NBAS: variants seen among roughly 807,000 people sequenced by gnomAD.
The protein encoded by NBAS is NBAS subunit of NRZ tethering complex.
Under a neutral mutation model 302.5 loss-of-function variants are expected in NBAS, and 219 were observed. That is an observed-to-expected ratio of 0.72 (90% CI 0.65 to 0.81). The LOEUF (loss-of-function observed/expected upper bound fraction) is 0.81. NBAS is among the 30% of genes least tolerant of loss of function. The probability of loss-of-function intolerance (pLI) is 0.00; values close to 1 mark genes in which losing one functional copy is unlikely to be tolerated. For synonymous variants in NBAS, 1,118 were observed against 1,021.6 expected (o/e 1.09, Z -1.80); for missense variants, 2,932 against 2,841.6 (o/e 1.03, Z -0.72).
At chr2:15,246,268 T>A (rs1668091175) in intron 44 of NBAS, among the ~76,000 whole-genome samples, 1 of 152,262 alleles carries the variant, frequency 6.6e-6, no homozygotes, top group African/African-American at 2.4e-5. Context: ...GGTTCACTCC[T>A]CTGAGGAGCC....
intron 14 of NBAS, among the ~76,000 whole-genome samples, chr2:15,474,747 G>A (rs1680115955): frequency 6.6e-6 from 1 of 152,114 alleles, no homozygotes; most frequent in Non-Finnish European, 1.5e-5. Context: ...TTTTACTAGA[G>A]ATAGGGTTTC....
chr2:15,261,019 G>A (rs1297962657), intron 44 of NBAS, among the ~76,000 whole-genome samples: 1 of 152,206 alleles, frequency 6.6e-6, no homozygotes, highest in Admixed American at 6.5e-5. Context: ...ATAACTCAGA[G>A]TTTTTAAAGC....
chr2:14,840,118 A>G, the NBAS span, among the ~76,000 whole-genome samples: 1 of 152,034 alleles, frequency 6.6e-6, no homozygotes, highest in South Asian at 2.1e-4. Context: ...GAAATCTTGG[A>G]ACTAAGAAAT....
chr2:15,018,248 TA>T, the NBAS span, among the ~76,000 whole-genome samples: 36 of 151,962 alleles, frequency 2.4e-4, no homozygotes, highest in African/African-American at 8.2e-4. Context: ...TGAGTATAGT[TA>T]ATAACAATAT....
intron 23 of NBAS, among the ~76,000 whole-genome samples, chr2:15,422,496 G>A (rs557244127): frequency 1.6e-3 from 248 of 151,652 alleles, no homozygotes; most frequent in African/African-American, 5.7e-3. Flanking sequence ...CTGCAAACCT[G>A]AAATTCCTCT....
At chr2:15,125,545 A>C in the NBAS span, among the ~76,000 whole-genome samples, 2 of 152,180 alleles carry the variant, frequency 1.3e-5, no homozygotes, top group African/African-American at 4.8e-5. Flanking sequence ...ACAACTGAAC[A>C]TGAGATTTGG....
the NBAS span, among the ~76,000 whole-genome samples, chr2:14,807,835 A>G: frequency 6.6e-6 from 1 of 152,208 alleles, no homozygotes; most frequent in Non-Finnish European, 1.5e-5. Context: ...GAAGATAATT[A>G]AATGAGATAA....
chr2:15,103,057 A>AAGGGAGGGAGGGAGGGAGGGG, the NBAS span, among the ~76,000 whole-genome samples: 2 of 148,578 alleles, frequency 1.3e-5, no homozygotes, highest in African/African-American at 5.0e-5. Flanking sequence ...GGAGGGAGGG[A>AAGGGAGGGAGGGAGGGAGGGG]AGGAAGGGAG....
chr2:15,179,414 A>T lies in NBAS; in HGVS notation c.6712-298T>A. 5.8e-6 allele frequency: 2 copies of T among 345,946 alleles called. 1 individual carries two copies. Among genetic ancestry groups the T allele is most frequent in the South Asian group, 6.7e-5 (2 of 29,926 alleles). The allele number at this position is 345,946 out of a possible 1,614,324, so 21.4% of individuals were successfully genotyped here. ...GTATAATTTATTTTCCTAAACTCTC[A>T]CAGCCCTAATTTCCTCATAAGTAAA... On this transcript the variant is annotated intron_variant, in intron 50 of 51. Coordinates refer to ENST00000281513, the MANE Select transcript of NBAS (RefSeq NM_015909.4).
the NBAS span, among the ~76,000 whole-genome samples, chr2:15,010,549 T>C: frequency 7.9e-5 from 12 of 152,256 alleles, no homozygotes; most frequent in Admixed American, 2.6e-4. Flanking sequence ...CAAGTTCAAG[T>C]AGTTAGTCAC....
intron 16 of NBAS, among the ~76,000 whole-genome samples, chr2:15,469,102 A>G (rs907523098): frequency 6.6e-6 from 1 of 152,170 alleles, no homozygotes; most frequent in Non-Finnish European, 1.5e-5. Context: ...CTCTGACTTT[A>G]TTAGTCTTGC....
chr2:15,167,925 G>C (rs979756592), intron 51 of NBAS, among the ~76,000 whole-genome samples: 1 of 152,142 alleles, frequency 6.6e-6, no homozygotes, highest in Non-Finnish European at 1.5e-5. Flanking sequence ...CCACTGATAC[G>C]AGTAAGATAA....
At chr2:15,219,921 C>G (rs1356560003) in intron 47 of NBAS, among the ~76,000 whole-genome samples, 1 of 148,178 alleles carries the variant, frequency 6.7e-6, no homozygotes, top group Non-Finnish European at 1.5e-5. Flanking sequence ...GCGCCCCTCA[C>G]CTCCCGGATG....
At chr2:15,400,770 T>C (rs993842730) in intron 26 of NBAS, among the ~76,000 whole-genome samples, 3 of 152,150 alleles carry the variant, frequency 2.0e-5, no homozygotes, top group Non-Finnish European at 4.4e-5. Context: ...TCCTTTATTT[T>C]AGAAAAGTGC....
At chr2:15,525,612 G>C (rs1662880394) in intron 9 of NBAS, among the ~76,000 whole-genome samples, 1 of 152,140 alleles carries the variant, frequency 6.6e-6, no homozygotes, top group Non-Finnish European at 1.5e-5. Flanking sequence ...CAAGGAATTT[G>C]AACATGAGTG....
chr2:15,097,926 A>G, the NBAS span, among the ~76,000 whole-genome samples: 1 of 37,040 alleles, frequency 2.7e-5, no homozygotes, highest in Middle Eastern at 9.3e-3. Context: ...TATATATTAT[A>G]TATATTACAT....
At chr2:15,064,988 A>G in the NBAS span, among the ~76,000 whole-genome samples, 1 of 152,324 alleles carries the variant, frequency 6.6e-6, no homozygotes, top group Admixed American at 6.5e-5. Flanking sequence ...TAAAGCATAA[A>G]TATCACATGT....
the NBAS span, among the ~76,000 whole-genome samples, chr2:14,943,662 T>G: frequency 6.6e-6 from 1 of 152,216 alleles, no homozygotes; most frequent in Non-Finnish European, 1.5e-5. Flanking sequence ...AAACTGAGTC[T>G]CAGATATAAG....
chr2:15,178,836 C>A, intron 51 of NBAS, 152 bp downstream of exon 51: 3 of 1,144,092 alleles, frequency 2.6e-6, no homozygotes, highest in Admixed American at 4.7e-5. Context: ...ACTGCTGGGA[C>A]AAAACAGGAA....
Sources: allele counts gnomAD v4.1 joint callset (sites outside exome capture counted in the v4.1 genomes callset), GRCh38; gene constraint gnomAD v4.1.1; transcripts MANE v1.5; gene names NCBI Gene and HGNC (gene_info 2026-07-23, HGNC 2026-07-21).